Variants in MCPH1 observed in about 807,000 individuals in gnomAD.
The protein encoded by MCPH1 is microcephalin 1, also known as microcephalin.
MCPH1 carries 104 observed loss-of-function variants against 84.5 expected under a neutral mutation model. The observed-to-expected ratio is 1.23, with a 90% CI of 1.05 to 1.45. The LOEUF is 1.45. Among genes scored for constraint, MCPH1 ranks in the 40% most tolerant of loss-of-function variants. MCPH1 has a pLI of 0.00. For synonymous variants in MCPH1, 514 were observed against 366.8 expected (o/e 1.40, Z -4.58); for missense variants, 1,498 against 1,005.7 (o/e 1.49, Z -6.62).
At chr8:6,471,885 G>C (rs1410457610) in intron 9 of MCPH1, among the ~76,000 whole-genome samples, 1 of 152,202 alleles carries the variant, frequency 6.6e-6, no homozygotes, top group African/African-American at 2.4e-5. Context: ...AAGTGTCAGA[G>C]AAAAACAGAA....
At chr8:6,496,455 T>A (rs957478114) in intron 11 of MCPH1, among the ~76,000 whole-genome samples, 3 of 152,192 alleles carry the variant, frequency 2.0e-5, no homozygotes, top group African/African-American at 7.2e-5. Context: ...CCAGGACCCC[T>A]GTTTTACACG....
intron 12 of MCPH1, among the ~76,000 whole-genome samples, chr8:6,547,454 C>T (rs1322855746): frequency 6.6e-6 from 1 of 152,094 alleles, no homozygotes; most frequent in Non-Finnish European, 1.5e-5. Flanking sequence ...AAAAGCATGC[C>T]ATTCAGAACT....
At chr8:6,526,442 A>G (rs1406988738) in intron 12 of MCPH1, among the ~76,000 whole-genome samples, 1 of 152,084 alleles carries the variant, frequency 6.6e-6, no homozygotes, top group East Asian at 1.9e-4. Context: ...CTCAAAAAAA[A>G]AACACAGAAA....
rs1798155930 is a variant in MCPH1 at position 6,645,208 on chromosome 8, T to C, written c.*2159T>C. The stretch of plus-strand genomic sequence containing the variant: ...TGCCCACCCAGGCCTCAGTCCCCAG[T>C]GTTAAGTTCTGATCCCTGATGCTGG... On this transcript the variant is annotated 3_prime_UTR_variant, in exon 14 of 14. Transcript: ENST00000344683. The C allele has an allele frequency of 6.6e-6, 1 of 152,268 alleles. No homozygotes were observed. The highest frequency in any genetic ancestry group is 2.4e-5 in the African/African-American group (1 of 41,424). 9.4% of individuals were successfully genotyped at this position (152,268 alleles called of 1,614,324 possible).
intron 12 of MCPH1, among the ~76,000 whole-genome samples, chr8:6,518,266 C>T (rs182923513): frequency 4.6e-5 from 7 of 152,296 alleles, no homozygotes; most frequent in Admixed American, 1.3e-4. Flanking sequence ...GCCAAGAACA[C>T]GCCAACATCT....
At chr8:6,532,290 C>G (rs1446269321) in intron 12 of MCPH1, 1 of 1,612,934 alleles carries the variant, frequency 6.2e-7, no homozygotes, top group South Asian at 1.1e-5. Flanking sequence ...GTGCTAGTCT[C>G]TAGCTGCAGG....
chr8:6,597,629 C>T (rs753999218), intron 12 of MCPH1, among the ~76,000 whole-genome samples: 16 of 152,132 alleles, frequency 1.1e-4, no homozygotes, highest in Non-Finnish European at 2.1e-4. Flanking sequence ...ACCCGGAACA[C>T]GGAGGGAGGG....
chr8:6,414,505 C>G (rs1798977526), intron 2 of MCPH1, among the ~76,000 whole-genome samples: 1 of 152,166 alleles, frequency 6.6e-6, no homozygotes, highest in Admixed American at 6.5e-5. Flanking sequence ...CTTCTGTCCT[C>G]TTTATCCTTG....
chr8:6,643,368 G>T lies in MCPH1; in HGVS notation c.*319G>T. The T allele has an allele frequency of 2.8e-6, 1 of 363,450 alleles. No homozygotes were observed. The highest frequency in any genetic ancestry group is 2.6e-5 in the South Asian group (1 of 38,120). 22.5% of individuals were successfully genotyped at this position (363,450 alleles called of 1,614,324 possible). A position where few individuals can be genotyped will look rare whatever the true frequency, so the allele number is the denominator to read the frequency against. ...CAACCTCCACCTCCCAGGTTCAAGC[G>T]ATTCTGCTGCCTCAGCCTCCTGAGT... On this transcript the variant is annotated 3_prime_UTR_variant, in exon 14 of 14. Coordinates refer to ENST00000344683, the MANE Select transcript of MCPH1 (RefSeq NM_024596.5).
intron 9 of MCPH1, among the ~76,000 whole-genome samples, chr8:6,460,297 C>T (rs552191145): frequency 2.6e-5 from 4 of 151,990 alleles, no homozygotes; most frequent in Non-Finnish European, 5.9e-5. Context: ...ACCTTTGACT[C>T]TTTTTAAGTC....
intron 12 of MCPH1, chr8:6,621,032 C>T: frequency 3.5e-6 from 1 of 286,866 alleles, no homozygotes; most frequent in Non-Finnish European, 6.7e-6. Flanking sequence ...CTGGAGCGCG[C>T]TGGATTGAAT....
intron 12 of MCPH1, among the ~76,000 whole-genome samples, chr8:6,609,400 TA>T (rs1316433856): frequency 1.3e-5 from 2 of 152,216 alleles, no homozygotes. Flanking sequence ...TATGACTTTT[TA>T]AAAAGTTATT....
rs1037190541 is a variant in MCPH1, at chr8:6,447,415, G to A, written c.1825+1868G>A. 41 of 985,248 alleles carry A rather than the reference G, an allele frequency of 4.2e-5. No homozygotes were observed. The African/African-American group carries it at 6.8e-4, about 16-fold the overall frequency. The allele number at this position is 985,248 out of a possible 1,614,324, so 61.0% of individuals were successfully genotyped here. A position where few individuals can be genotyped will look rare whatever the true frequency, so the allele number is the denominator to read the frequency against. ...GGGCTTTTTGCCATTTCTGTTTTCAGTTCACTTTTACTTGTTGCTGTTGTC... is the reference window on the plus strand; with the variant it reads ...GGGCTTTTTGCCATTTCTGTTTTCAATTCACTTTTACTTGTTGCTGTTGTC... On this transcript the variant is annotated intron_variant, in intron 8 of 13. Transcript: ENST00000344683.
At position 6,628,129 on chromosome 8, in the gene MCPH1, A is replaced by T. The variant is rs1169938888; in HGVS notation, c.2452+6438A>T. ...TCCCCGTCGTTAAACTTATGCCAAC[A>T]GAACTAAACTCACTGGATGTGAATT... On this transcript the variant is annotated intron_variant, in intron 13 of 13. Transcript: ENST00000344683. Among the ~76,000 whole-genome samples the T allele has an allele frequency of 2.6e-5, 4 of 152,128 alleles. No individual in the cohort carries two copies. The East Asian group carries it at 5.8e-4, about 22-fold the overall frequency.
Position 6,644,297 on chromosome 8 carries a change from A to T in MCPH1, c.*1248A>T, listed in dbSNP as rs1253882962. On this transcript the variant is annotated 3_prime_UTR_variant, in exon 14 of 14. Coordinates refer to ENST00000344683, the MANE Select transcript of MCPH1 (RefSeq NM_024596.5). ...ATAAATAAATAAATAAGAAACACTG[A>T]TGTGTCTGTCACCTTCTAAAGAAAT... is the stretch of plus-strand genomic sequence containing the variant. 7.2e-5 allele frequency: 11 copies of T among 152,156 alleles called. No homozygotes were observed. Among genetic ancestry groups the T allele is most frequent in the Non-Finnish European group, 5.9e-5 (4 of 68,044 alleles). The allele number at this position is 152,156 out of a possible 1,614,324, so 9.4% of individuals were successfully genotyped here. A position where few individuals can be genotyped will look rare whatever the true frequency, so the allele number is the denominator to read the frequency against.
chr8:6,407,363 G>C (rs991124926), intron 1 of MCPH1, among the ~76,000 whole-genome samples: 1 of 152,010 alleles, frequency 6.6e-6, no homozygotes, highest in Non-Finnish European at 1.5e-5. Context: ...TCATTTTACA[G>C]GCAGAAACTA....
chr8:6,527,808 T>C (rs892589883), intron 12 of MCPH1: 6 of 869,878 alleles, frequency 6.9e-6, no homozygotes, highest in African/African-American at 6.8e-5. Flanking sequence ...AAGTATCTTA[T>C]TTTGGCATAT....
At chr8:6,529,981 C>G (rs571597574) in intron 12 of MCPH1, among the ~76,000 whole-genome samples, 1 of 151,962 alleles carries the variant, frequency 6.6e-6, no homozygotes, top group East Asian at 1.9e-4. Flanking sequence ...CTGCTCTGTC[C>G]TAACACTTTT....
intron 3 of MCPH1, among the ~76,000 whole-genome samples, chr8:6,420,066 G>T (rs147742752): frequency 3.0e-4 from 45 of 151,674 alleles, no homozygotes; most frequent in African/African-American, 1.1e-3. Flanking sequence ...GGAGGAGGGA[G>T]GGGCTCGTGT....
Sources: allele counts gnomAD v4.1 joint callset (sites outside exome capture counted in the v4.1 genomes callset), GRCh38; gene constraint gnomAD v4.1.1; transcripts MANE v1.5; gene names NCBI Gene and HGNC (gene_info 2026-07-23, HGNC 2026-07-21).